The following SPPL3 variants were observed in gnomAD, a reference collection of about 807,000 sequenced individuals.
SPPL3 encodes the protein signal peptide peptidase like 3.
Under a neutral mutation model 42.4 loss-of-function variants are expected in SPPL3, and 5 were observed. The ratio of observed to expected loss-of-function variants is 0.12; its 90% confidence interval spans 0.06 to 0.25. SPPL3 has a LOEUF of 0.25. Ranked by LOEUF, SPPL3 falls within the 10% of genes least tolerant of loss-of-function variation. The probability of loss-of-function intolerance (pLI) is 1.00; values close to 1 mark genes in which losing one functional copy is unlikely to be tolerated. For synonymous variants in SPPL3, 195 were observed against 181.8 expected (o/e 1.07, Z -0.58); for missense variants, 235 against 489.0 (o/e 0.48, Z 4.90).
chr12:120,879,507 TAAGC>T (rs1200134558), intron 1 of SPPL3, among the ~76,000 whole-genome samples: 2 of 152,130 alleles, frequency 1.3e-5, no homozygotes, highest in African/African-American at 4.8e-5. Context: ...CTTAAGCAAG[TAAGC>T]GTCTTAATAT....
At chr12:120,879,562 T>G (rs1280572648) in intron 1 of SPPL3, among the ~76,000 whole-genome samples, 1 of 152,124 alleles carries the variant, frequency 6.6e-6, no homozygotes, top group Non-Finnish European at 1.5e-5. Context: ...GCCCAACTTC[T>G]CATAGCTCAT....
chr12:120,788,117 A>G (rs951956691), intron 3 of SPPL3, among the ~76,000 whole-genome samples: 10 of 152,200 alleles, frequency 6.6e-5, no homozygotes, highest in African/African-American at 2.4e-4. Context: ...GTGCTAACGC[A>G]TGCTCTCCAG....
intron 2 of SPPL3, among the ~76,000 whole-genome samples, chr12:120,806,226 C>T (rs931645645): frequency 1.4e-5 from 2 of 143,744 alleles, no homozygotes; most frequent in South Asian, 4.9e-4. Flanking sequence ...GAGACAGGGT[C>T]TTGCTATGTC....
intron 1 of SPPL3, among the ~76,000 whole-genome samples, chr12:120,832,737 G>C (rs1251010635): frequency 1.3e-5 from 2 of 152,062 alleles, no homozygotes; most frequent in Non-Finnish European, 2.9e-5. Flanking sequence ...TTATATCCAA[G>C]GAAGAAACCC....
At chr12:120,820,773 C>T (rs564621394) in intron 1 of SPPL3, among the ~76,000 whole-genome samples, 3 of 152,082 alleles carry the variant, frequency 2.0e-5, no homozygotes, top group South Asian at 2.1e-4. Context: ...TAACCATTTA[C>T]GTGCAAGGTA....
At chr12:120,794,042 TCTCA>T (rs1370312665) in intron 2 of SPPL3, among the ~76,000 whole-genome samples, 4 of 152,226 alleles carry the variant, frequency 2.6e-5, no homozygotes, top group Non-Finnish European at 5.9e-5. Context: ...CTTGCAGTTC[TCTCA>T]GTTTTTGCTT....
At chr12:120,795,441 A>AT (rs1870066004) in intron 2 of SPPL3, among the ~76,000 whole-genome samples, 1 of 152,186 alleles carries the variant, frequency 6.6e-6, no homozygotes, top group African/African-American at 2.4e-5. Flanking sequence ...CCGGTAGTGT[A>AT]TGGTATGTCA....
intron 1 of SPPL3, among the ~76,000 whole-genome samples, chr12:120,900,369 C>G (rs372301777): frequency 2.0e-5 from 3 of 151,076 alleles, no homozygotes; most frequent in Non-Finnish European, 4.4e-5. Context: ...CCCAGCACTT[C>G]GGGAGGCCAA....
chr12:120,878,026 G>GA (rs11389073), intron 1 of SPPL3, among the ~76,000 whole-genome samples: 43,557 of 142,744 alleles, frequency 0.31, 7,612 homozygotes, highest in Non-Finnish European at 0.41. Context: ...TCTTAAAAAA[G>GA]AAAAAAAAAT....
chr12:120,836,375 A>C (rs989986), intron 1 of SPPL3, among the ~76,000 whole-genome samples: 62,465 of 151,906 alleles, frequency 0.41, 14,453 homozygotes, highest in Middle Eastern at 0.56. Flanking sequence ...AAGAGGCCAC[A>C]CAGAGAAAGA....
chr12:120,887,670 A>G (rs1022544386), intron 1 of SPPL3, among the ~76,000 whole-genome samples: 2 of 152,246 alleles, frequency 1.3e-5, no homozygotes, highest in African/African-American at 4.8e-5. Flanking sequence ...TCTTGACACA[A>G]GATTTTTAGT....
intron 2 of SPPL3, among the ~76,000 whole-genome samples, chr12:120,795,851 C>T (rs918626705): frequency 6.6e-6 from 1 of 152,138 alleles, no homozygotes; most frequent in East Asian, 1.9e-4. Flanking sequence ...ATACAGTAGG[C>T]CACTGGAGGT....
chr12:120,838,436 C>A (rs956110424), intron 1 of SPPL3, among the ~76,000 whole-genome samples: 5 of 152,192 alleles, frequency 3.3e-5, no homozygotes, highest in African/African-American at 1.2e-4. Flanking sequence ...ACAGCCAAGG[C>A]AGATCAATCA....
chr12:120,789,055 G>A (rs1592962775), intron 3 of SPPL3, among the ~76,000 whole-genome samples: 1 of 152,312 alleles, frequency 6.6e-6, no homozygotes, highest in Non-Finnish European at 1.5e-5. Flanking sequence ...GAATTTTGCA[G>A]TCTATGCTAA....
At chr12:120,772,266 C>G (rs1273273089) in intron 6 of SPPL3, among the ~76,000 whole-genome samples, 1 of 152,164 alleles carries the variant, frequency 6.6e-6, no homozygotes, top group Non-Finnish European at 1.5e-5. Flanking sequence ...AGGTGATCCA[C>G]CCACCCCGGC....
intron 2 of SPPL3, among the ~76,000 whole-genome samples, chr12:120,797,622 G>T (rs1870148161): frequency 6.6e-6 from 1 of 152,164 alleles, no homozygotes; most frequent in Non-Finnish European, 1.5e-5. Flanking sequence ...GAACTGGACA[G>T]ATTTTTAAGT....
intron 6 of SPPL3, among the ~76,000 whole-genome samples, chr12:120,773,545 G>A (rs1441747496): frequency 6.6e-6 from 1 of 152,164 alleles, no homozygotes; most frequent in African/African-American, 2.4e-5. Context: ...CAGGGAAACA[G>A]ACTGAACAGA....
intron 3 of SPPL3, among the ~76,000 whole-genome samples, chr12:120,790,494 G>A (rs541503556): frequency 2.2e-4 from 33 of 152,184 alleles, no homozygotes; most frequent in Middle Eastern, 3.4e-3. Context: ...CTTAGGTGGC[G>A]ACCTTACCCT....
intron 3 of SPPL3, among the ~76,000 whole-genome samples, chr12:120,788,875 C>G (rs1349261747): frequency 6.6e-6 from 1 of 152,210 alleles, no homozygotes; most frequent in Admixed American, 6.5e-5. Context: ...AGCACCTACA[C>G]CTCTCTGTTT....
Sources: allele counts gnomAD v4.1 joint callset (sites outside exome capture counted in the v4.1 genomes callset), GRCh38; gene constraint gnomAD v4.1.1; transcripts MANE v1.5; gene names NCBI Gene and HGNC (gene_info 2026-07-23, HGNC 2026-07-21).